Variants in PDE4D observed in about 807,000 individuals in gnomAD.
The protein encoded by PDE4D is phosphodiesterase 4D.
A neutral mutation model predicts 87.4 loss-of-function variants in PDE4D; 24 were observed. The ratio of observed to expected loss-of-function variants is 0.27; its 90% CI spans 0.20 to 0.39. The LOEUF is 0.39. Ranked by LOEUF, PDE4D falls within the 10% of genes least tolerant of loss-of-function variation. The pLI is 1.00. For synonymous variants in PDE4D, 384 were observed against 383.2 expected, an observed-to-expected ratio of 1.00 and a Z score of -0.02; for missense variants, 714 against 1,041.0, an observed-to-expected ratio of 0.69 and a Z score of 4.32.
intron 1 of PDE4D, among the ~76,000 whole-genome samples, chr5:60,517,228 G>A (rs1263880148): frequency 6.6e-6 from 1 of 152,196 alleles, no homozygotes; most frequent in African/African-American, 2.4e-5. Context: ...GAGCATGGGA[G>A]GGGGGCCAAG....
At chr5:59,265,887 C>T (rs1762780359) in intron 1 of PDE4D, among the ~76,000 whole-genome samples, 1 of 151,908 alleles carries the variant, frequency 6.6e-6, no homozygotes, top group Non-Finnish European at 1.5e-5. Flanking sequence ...CAAATTGCCA[C>T]AATTTTTAAT....
At chr5:59,297,366 A>G (rs1236105295) in intron 1 of PDE4D, among the ~76,000 whole-genome samples, 1 of 152,218 alleles carries the variant, frequency 6.6e-6, no homozygotes, top group Non-Finnish European at 1.5e-5. Flanking sequence ...CTATCTATTT[A>G]GAATATTATC....
intron 1 of PDE4D, among the ~76,000 whole-genome samples, chr5:59,793,358 A>C (rs7705820): frequency 0.025 from 3,804 of 152,328 alleles, 134 homozygotes; most frequent in African/African-American, 0.076. Context: ...TGATTTGTTT[A>C]TTTCATGCCT....
intron 1 of PDE4D, among the ~76,000 whole-genome samples, chr5:60,465,475 T>TG (rs1158514424): frequency 6.6e-6 from 1 of 152,164 alleles, no homozygotes; most frequent in Non-Finnish European, 1.5e-5. Flanking sequence ...ACATTCCCAT[T>TG]GGTTCATTTA....
chr5:59,442,848 G>T (rs1220583418), intron 1 of PDE4D, among the ~76,000 whole-genome samples: 1 of 152,166 alleles, frequency 6.6e-6, no homozygotes, highest in African/African-American at 2.4e-5. Flanking sequence ...CAAGCTAAGA[G>T]TATATCATTT....
intron 1 of PDE4D, among the ~76,000 whole-genome samples, chr5:59,532,912 T>C (rs1225372006): frequency 2.6e-5 from 4 of 152,278 alleles, no homozygotes; most frequent in Admixed American, 2.6e-4. Context: ...CTCAGTCTAG[T>C]CCAGGCTCTT....
intron 5 of PDE4D, among the ~76,000 whole-genome samples, chr5:59,169,073 C>A (rs1055866431): frequency 6.6e-6 from 1 of 151,556 alleles, no homozygotes; most frequent in Non-Finnish European, 1.5e-5. Flanking sequence ...TTGAGAGAGG[C>A]TTTTTGATAT....
chr5:59,779,591 T>C (rs1389111923), intron 1 of PDE4D, among the ~76,000 whole-genome samples: 3 of 152,266 alleles, frequency 2.0e-5, no homozygotes, highest in Non-Finnish European at 1.5e-5. Flanking sequence ...CATATATTAC[T>C]GTTTTCTGAG....
chr5:59,279,471 G>T (rs948881244), intron 1 of PDE4D, among the ~76,000 whole-genome samples: 17 of 151,998 alleles, frequency 1.1e-4, no homozygotes, highest in Admixed American at 5.3e-4. Flanking sequence ...TTTCCTACTG[G>T]CATGAACCTT....
chr5:59,671,305 G>GA (rs951314151), intron 1 of PDE4D, among the ~76,000 whole-genome samples: 12 of 151,758 alleles, frequency 7.9e-5, no homozygotes, highest in Admixed American at 1.3e-4. Context: ...ATCGCCATTT[G>GA]AAAAAAAATA....
At chr5:60,291,852 T>C (rs975255538) in intron 1 of PDE4D, among the ~76,000 whole-genome samples, 12 of 152,104 alleles carry the variant, frequency 7.9e-5, no homozygotes, top group Non-Finnish European at 1.6e-4. Flanking sequence ...AAAATGTAAA[T>C]AAAAATGTTT....
At chr5:60,319,277 C>T (rs967255996) in intron 1 of PDE4D, among the ~76,000 whole-genome samples, 4 of 152,210 alleles carry the variant, frequency 2.6e-5, no homozygotes, top group Admixed American at 6.5e-5. Context: ...TTGATCAAAT[C>T]GGCTACTGAG....
intron 1 of PDE4D, among the ~76,000 whole-genome samples, chr5:59,753,477 A>C (rs967583362): frequency 1.3e-5 from 2 of 152,140 alleles, no homozygotes; most frequent in Non-Finnish European, 2.9e-5. Flanking sequence ...TTAAGAGTGG[A>C]TCTTCCACGT....
intron 6 of PDE4D, among the ~76,000 whole-genome samples, chr5:59,005,784 T>A (rs7727206): frequency 6.6e-6 from 1 of 152,092 alleles, no homozygotes; most frequent in East Asian, 1.9e-4. Context: ...AATAACTTGC[T>A]CCATAGGTGA....
chr5:60,317,646 C>T (rs1008645593), intron 1 of PDE4D, among the ~76,000 whole-genome samples: 2 of 152,198 alleles, frequency 1.3e-5, no homozygotes, highest in African/African-American at 4.8e-5. Context: ...TTGCCCTCTA[C>T]ACACTGCATT....
intron 3 of PDE4D, among the ~76,000 whole-genome samples, chr5:59,964,049 T>G (rs1302292122): frequency 1.3e-5 from 2 of 152,114 alleles, no homozygotes; most frequent in Non-Finnish European, 2.9e-5. Flanking sequence ...ACTCACAGAG[T>G]CTGTGTTATA....
chr5:59,858,565 C>T (rs1176637174), intron 1 of PDE4D, among the ~76,000 whole-genome samples: 1 of 152,080 alleles, frequency 6.6e-6, no homozygotes, highest in Non-Finnish European at 1.5e-5. Context: ...GCAAGCTCAT[C>T]AGTCCCAGAA....
At chr5:59,957,656 T>C (rs949651581) in intron 3 of PDE4D, among the ~76,000 whole-genome samples, 2 of 152,084 alleles carry the variant, frequency 1.3e-5, no homozygotes, top group African/African-American at 2.4e-5. Context: ...TTTAATTGCA[T>C]ATTTATTTCT....
At chr5:59,886,830 G>A (rs1297674599) in intron 1 of PDE4D, among the ~76,000 whole-genome samples, 1 of 151,934 alleles carries the variant, frequency 6.6e-6, no homozygotes, top group African/African-American at 2.4e-5. Flanking sequence ...ACATTCTGAA[G>A]AGTCAAACTA....
Sources: gnomAD v4.1 joint callset for allele counts (sites outside exome capture counted in the v4.1 genomes callset) on GRCh38, gnomAD v4.1.1 for gene constraint, MANE v1.5 for transcripts, NCBI Gene and HGNC (gene_info 2026-07-23, HGNC 2026-07-21) for gene names.